The following GAD2 variants were observed in gnomAD, a reference collection of about 807,000 sequenced individuals.
GAD2 encodes glutamate decarboxylase 2, also known as 65 kDa glutamic acid decarboxylase.
A neutral mutation model predicts 80.1 loss-of-function variants in GAD2; 22 were observed. That is an observed-to-expected ratio of 0.27 (90% CI 0.20 to 0.39). GAD2 has a LOEUF of 0.39. Among genes scored for constraint, GAD2 ranks in the 10% least tolerant of loss-of-function variants. The probability of loss-of-function intolerance (pLI) is 1.00; values close to 1 mark genes in which losing one functional copy is unlikely to be tolerated. For missense variants in GAD2, 624 were observed against 738.4 expected (o/e 0.85, Z 1.80); for synonymous variants, 274 against 256.9 (o/e 1.07, Z -0.64).
intron 5 of GAD2, 70 bp downstream of exon 5, chr10:26,224,047 T>G (rs1844488596): frequency 1.8e-6 from 2 of 1,115,120 alleles, no homozygotes; most frequent in Non-Finnish European, 2.7e-6. Flanking sequence ...CTTTACATCT[T>G]ATGTGAAAAT....
intron 13 of GAD2, among the ~76,000 whole-genome samples, chr10:26,291,188 CCAAAGGATCCAGGTTG>C (rs1266937766): frequency 1.3e-5 from 2 of 152,224 alleles, no homozygotes; most frequent in Non-Finnish European, 2.9e-5. Context: ...CCAGACTGGT[CCAAAGGATCCAGGTTG>C]GAGAAGAGCA....
intron 7 of GAD2, among the ~76,000 whole-genome samples, chr10:26,240,044 A>G (rs909300540): frequency 1.3e-5 from 2 of 152,242 alleles, no homozygotes; most frequent in African/African-American, 4.8e-5. Flanking sequence ...TTTGGATGAA[A>G]TCAGCAATGG....
intron 3 of GAD2, 41 bp from the exon 4 acceptor site, chr10:26,219,002 A>C (rs777999437): frequency 7.0e-7 from 1 of 1,435,858 alleles, no homozygotes; most frequent in Admixed American, 2.4e-5. Flanking sequence ...GAATATTTTC[A>C]AAGTAAAATT....
rs1364864888 is a variant in GAD2 at position 26,283,254 on chromosome 10, T to C, written c.1236+2167T>C. ...AGTAAAACATAGAAGCTTATTAATG[T>C]TTCAGATGAGAGGAGACTGGGAGGT... On this transcript the variant is annotated intron_variant, in intron 12 of 15. Transcript: ENST00000376261. 2.6e-5 allele frequency among the ~76,000 whole-genome samples: 4 copies of C among 152,290 alleles called. 1 individual carries two copies. The South Asian group carries it at 6.2e-4, about 24-fold the overall frequency.
intron 7 of GAD2, among the ~76,000 whole-genome samples, chr10:26,239,653 GTGGTGA>G (rs1481119135): frequency 6.6e-6 from 1 of 152,234 alleles, no homozygotes; most frequent in Non-Finnish European, 1.5e-5. Flanking sequence ...ATAGTGTCTT[GTGGTGA>G]TGAGATTAGG....
At chr10:26,282,500 C>A (rs1845282746) in intron 12 of GAD2, among the ~76,000 whole-genome samples, 1 of 151,888 alleles carries the variant, frequency 6.6e-6, no homozygotes, top group Non-Finnish European at 1.5e-5. Context: ...TCATATACCT[C>A]ATATATACAT....
At chr10:26,236,121 AT>A (rs1375492006) in intron 7 of GAD2, among the ~76,000 whole-genome samples, 1 of 151,752 alleles carries the variant, frequency 6.6e-6, no homozygotes, top group African/African-American at 2.4e-5. Flanking sequence ...TTAGTTTATT[AT>A]TTTATTTTGG....
chr10:26,297,420 A>G (rs1172696530), intron 15 of GAD2, among the ~76,000 whole-genome samples: 1 of 152,218 alleles, frequency 6.6e-6, no homozygotes, highest in Non-Finnish European at 1.5e-5. Flanking sequence ...GATTCCAATT[A>G]TGGAAAAGTC....
rs890608098 is a variant in GAD2, at chr10:26,260,224, T to G, written c.921-8895T>G. ...ATCCACTGTTTATAATTTATATTAC[T>G]TAACAAATCTGTTGTTAAACATTAA... On this transcript the variant is annotated intron_variant, in intron 8 of 15. Coordinates refer to ENST00000376261, the MANE Select transcript of GAD2 (RefSeq NM_001134366.2). Among the ~76,000 whole-genome samples, 5 of 152,376 alleles carry G rather than the reference T, an allele frequency of 3.3e-5. No individual in the cohort carries two copies. In the South Asian group the frequency reaches 1.0e-3, roughly 32 times the overall value.
intron 15 of GAD2, among the ~76,000 whole-genome samples, chr10:26,295,710 T>G (rs1834267007): frequency 6.6e-6 from 1 of 152,192 alleles, no homozygotes; most frequent in Non-Finnish European, 1.5e-5. Flanking sequence ...TCACTCAACT[T>G]GTGCCCAATG....
Position 26,228,089 on chromosome 10 carries a change from A to G in GAD2, c.725-1573A>G, listed in dbSNP as rs576237751. Among the ~76,000 whole-genome samples the G allele has an allele frequency of 9.1e-4, 139 of 152,048 alleles. 1 individual carries two copies. The highest frequency in any genetic ancestry group is 1.9e-3 in the Non-Finnish European group (126 of 68,010). ...ACCAGGAAGGAGAGTAACTCACAAC[A>G]CTCACGTGACGGCAGGACTTGGGGT... On this transcript the variant is annotated intron_variant, in intron 6 of 15. Coordinates refer to ENST00000376261, the MANE Select transcript of GAD2 (RefSeq NM_001134366.2).
At chr10:26,284,777 G>A (rs1311822672) in intron 12 of GAD2, among the ~76,000 whole-genome samples, 2 of 152,004 alleles carry the variant, frequency 1.3e-5, no homozygotes, top group Admixed American at 6.6e-5. Flanking sequence ...CACCGTGTTA[G>A]CCAGGATGGT....
At chr10:26,290,098 A>C (rs1834196999) in intron 13 of GAD2, among the ~76,000 whole-genome samples, 1 of 152,190 alleles carries the variant, frequency 6.6e-6, no homozygotes, top group South Asian at 2.1e-4. Flanking sequence ...CCAGGAAAAA[A>C]ATATTAAAGG....
rs1392273527 is a variant in GAD2, at chr10:26,217,186, C to T, written c.76+301C>T. Among the ~76,000 whole-genome samples, 2 of 151,564 alleles carry T rather than the reference C, an allele frequency of 1.3e-5. No individual in the cohort carries two copies. The highest frequency in any genetic ancestry group is 4.9e-5 in the African/African-American group (2 of 41,190). ...GTGGTCCTGGGGCGCTGCTAAGATC[C>T]GGGTGTCTGGACCCTGGGGTGGGAC... On this transcript the variant is annotated intron_variant, in intron 1 of 15. Coordinates refer to ENST00000376261, the MANE Select transcript of GAD2 (RefSeq NM_001134366.2). This position sits in a 1 kb window ranked among gnomAD's most constrained non-coding sequence, Gnocchi z 4.9.
intron 15 of GAD2, among the ~76,000 whole-genome samples, chr10:26,298,217 C>G (rs559737881): frequency 1.8e-4 from 28 of 152,304 alleles, no homozygotes; most frequent in African/African-American, 6.7e-4. Context: ...GCCCTCCAGC[C>G]AGGCCTTGAA....
intron 7 of GAD2, among the ~76,000 whole-genome samples, chr10:26,239,993 T>C (rs976258540): frequency 2.6e-5 from 4 of 152,226 alleles, no homozygotes; most frequent in African/African-American, 9.6e-5. Flanking sequence ...CCTGAAACCC[T>C]GTGATCTGTT....
intron 13 of GAD2, among the ~76,000 whole-genome samples, chr10:26,287,309 C>T (rs1007689300): frequency 6.6e-6 from 1 of 151,998 alleles, no homozygotes; most frequent in Non-Finnish European, 1.5e-5. Context: ...AAAGAGAGTT[C>T]GAGGAAACCT....
rs150216897 is a variant in GAD2 at position 26,284,514 on chromosome 10, C to T, written c.1237-1831C>T. On this transcript the variant is annotated intron_variant, in intron 12 of 15. Transcript: ENST00000376261. The stretch of plus-strand genomic sequence containing the variant: ...CTAAGGCCTTCTGTAGGGAAAACAG[C>T]ATCACTTTTGCTTGTCATGTTGTAC... Among the ~76,000 whole-genome samples, 97 of 150,550 alleles carry T rather than the reference C, an allele frequency of 6.4e-4. 2 individuals are homozygous for T. Among genetic ancestry groups the T allele is most frequent in the African/African-American group, 2.3e-3 (93 of 40,936 alleles).
intron 13 of GAD2, 90 bp from the exon 14 acceptor site, chr10:26,292,375 A>G: frequency 1.1e-6 from 1 of 938,146 alleles, no homozygotes; most frequent in South Asian, 1.5e-5. Context: ...GGGCTAAGAC[A>G]GAGACGGCAG....
Sources: allele counts gnomAD v4.1 joint callset (sites outside exome capture counted in the v4.1 genomes callset), GRCh38; gene constraint gnomAD v4.1.1; non-coding constraint Gnocchi (gnomAD v3.1); transcripts MANE v1.5; gene names NCBI Gene and HGNC (gene_info 2026-07-23, HGNC 2026-07-21).